PALM2AKAP2: variants seen among roughly 807,000 people sequenced by gnomAD.
PALM2AKAP2 encodes the protein PALM2-AKAP2 fusion protein.
PALM2AKAP2 carries 37 observed loss-of-function variants against 71.5 expected under a neutral mutation model. The ratio of observed to expected loss-of-function variants is 0.52; its 90% CI spans 0.40 to 0.68. The LOEUF is 0.68. Ranked by LOEUF, PALM2AKAP2 falls within the 30% of genes least tolerant of loss-of-function variation. The pLI is 0.00. For missense variants in PALM2AKAP2, 1,224 were observed against 1,191.8 expected (o/e 1.03, Z -0.40); for synonymous variants, 468 against 478.8 (o/e 0.98, Z 0.29).
At chr9:109,749,862 A>C (rs1828859340) in intron 1 of PALM2AKAP2, among the ~76,000 whole-genome samples, 1 of 152,150 alleles carries the variant, frequency 6.6e-6, no homozygotes, top group East Asian at 1.9e-4. Context: ...TCATCACTGG[A>C]TGTTTAGAAG....
At chr9:110,081,797 G>A (rs1050512977) in intron 1 of PALM2AKAP2, among the ~76,000 whole-genome samples, 1 of 151,912 alleles carries the variant, frequency 6.6e-6, no homozygotes, top group Non-Finnish European at 1.5e-5. Context: ...AGAATTCTGT[G>A]CAACTCCTCT....
At chr9:110,079,282 G>C (rs1834390744) in intron 1 of PALM2AKAP2, among the ~76,000 whole-genome samples, 1 of 152,102 alleles carries the variant, frequency 6.6e-6, no homozygotes. Context: ...GATCACCTGA[G>C]GTCAGGGGAT....
rs570122240 is a variant in PALM2AKAP2 at position 110,099,498 on chromosome 9, T to C, written c.157-36629T>C. On this transcript the variant is annotated intron_variant, in intron 1 of 3. Coordinates refer to ENST00000374525, the Ensembl canonical transcript of PALM2AKAP2. ...TCTTTTGGAAGGATACATAAGAAGGTACAAGCTGCCAGCCCATCCATTTCC... is the reference window on the plus strand; with the variant it reads ...TCTTTTGGAAGGATACATAAGAAGGCACAAGCTGCCAGCCCATCCATTTCC... 2.0e-5 allele frequency among the ~76,000 whole-genome samples: 3 copies of C among 152,308 alleles called. No individual in the cohort carries two copies. The East Asian group carries it at 5.8e-4, about 29-fold the overall frequency.
At chr9:110,056,937 T>G (rs1045885845) in intron 1 of PALM2AKAP2, among the ~76,000 whole-genome samples, 1 of 152,168 alleles carries the variant, frequency 6.6e-6, no homozygotes, top group Non-Finnish European at 1.5e-5. Flanking sequence ...GTAGAGGGTG[T>G]TGAGATAGAG....
At position 109,943,505 on chromosome 9, in the gene PALM2AKAP2, A is replaced by G. The variant is rs959285893; in HGVS notation, c.496+11477A>G. 19 of 1,490,902 alleles carry G rather than the reference A, an allele frequency of 1.3e-5. No homozygotes were observed. The Admixed American group carries it at 2.2e-4, about 18-fold the overall frequency. 92.4% of individuals were successfully genotyped at this position (1,490,902 alleles called of 1,614,324 possible). A position where few individuals can be genotyped will look rare whatever the true frequency, so the allele number is the denominator to read the frequency against. On this transcript the variant is annotated intron_variant, in intron 6 of 9. Transcript: ENST00000302798. Reference sequence around the variant, plus strand: ...AGACCTCACTGTACCACTAACTGCAATACTGTGAACTGGAAGCAAACACCT... The same window carrying G: ...AGACCTCACTGTACCACTAACTGCAGTACTGTGAACTGGAAGCAAACACCT...
chr9:110,054,575 T>A (rs1655489064), intron 1 of PALM2AKAP2, among the ~76,000 whole-genome samples: 1 of 152,174 alleles, frequency 6.6e-6, no homozygotes, highest in Non-Finnish European at 1.5e-5. Flanking sequence ...ATTAATTATT[T>A]TTATTATTAT....
At chr9:109,649,997 G>A (rs796825038) in intron 1 of PALM2AKAP2, among the ~76,000 whole-genome samples, 4 of 152,282 alleles carry the variant, frequency 2.6e-5, no homozygotes, top group African/African-American at 9.6e-5. Context: ...AGGGCAAATC[G>A]ACTACAAAGG....
At chr9:109,761,862 G>T (rs1829059199) in intron 1 of PALM2AKAP2, among the ~76,000 whole-genome samples, 3 of 152,186 alleles carry the variant, frequency 2.0e-5, no homozygotes, top group Admixed American at 2.0e-4. Context: ...ATAGGAGAAT[G>T]ATTTATAATC....
chr9:109,832,842 A>G (rs1828341949), intron 1 of PALM2AKAP2, among the ~76,000 whole-genome samples: 2 of 152,186 alleles, frequency 1.3e-5, no homozygotes, highest in Admixed American at 1.3e-4. Flanking sequence ...CCCCACCCTC[A>G]GAGAGGCCAG....
chr9:110,158,338 C>T (rs1275301225), intron 3 of PALM2AKAP2, among the ~76,000 whole-genome samples: 1 of 152,174 alleles, frequency 6.6e-6, no homozygotes, highest in African/African-American at 2.4e-5. Context: ...AAGTGGGTGC[C>T]CCACACTCTG....
chr9:109,766,672 ACTCT>A (rs1207114446), intron 1 of PALM2AKAP2, among the ~76,000 whole-genome samples: 1 of 152,154 alleles, frequency 6.6e-6, no homozygotes, highest in Non-Finnish European at 1.5e-5. Context: ...GATTACAAAG[ACTCT>A]GATGTAGTAA....
At chr9:109,641,257 G>A (rs1428620450) in intron 1 of PALM2AKAP2, among the ~76,000 whole-genome samples, 1 of 152,244 alleles carries the variant, frequency 6.6e-6, no homozygotes, top group Non-Finnish European at 1.5e-5. Context: ...TAAAAAAAGA[G>A]GGAGGGGGTC....
intron 1 of PALM2AKAP2, among the ~76,000 whole-genome samples, chr9:109,761,275 TG>T (rs1829047803): frequency 6.6e-6 from 1 of 152,208 alleles, no homozygotes; most frequent in Non-Finnish European, 1.5e-5. Context: ...CCAACCTGAA[TG>T]TTTGAAGGCA....
chr9:110,030,401 C>A (rs955785256), intron 7 of PALM2AKAP2, among the ~76,000 whole-genome samples: 2 of 152,172 alleles, frequency 1.3e-5, no homozygotes, highest in Non-Finnish European at 2.9e-5. Flanking sequence ...TAATTGTTTT[C>A]TTCTCTGGAG....
intron 6 of PALM2AKAP2, among the ~76,000 whole-genome samples, chr9:109,983,553 A>G (rs1196929153): frequency 1.3e-5 from 2 of 152,196 alleles, no homozygotes; most frequent in African/African-American, 4.8e-5. Context: ...GGAAACTAAT[A>G]TAGTAAAATG....
intron 1 of PALM2AKAP2, among the ~76,000 whole-genome samples, chr9:109,669,417 T>C (rs1002022909): frequency 6.6e-5 from 10 of 152,294 alleles, no homozygotes; most frequent in African/African-American, 2.4e-4. Context: ...TTTCTTATAA[T>C]GCCTCTATCA....
At chr9:109,844,387 G>T (rs1488059832) in intron 1 of PALM2AKAP2, among the ~76,000 whole-genome samples, 1 of 152,214 alleles carries the variant, frequency 6.6e-6, no homozygotes, top group Non-Finnish European at 1.5e-5. Flanking sequence ...TGCAATGCAG[G>T]ACTCTGGATG....
chr9:109,737,064 A>G (rs571576995), intron 1 of PALM2AKAP2, among the ~76,000 whole-genome samples: 60 of 152,256 alleles, frequency 3.9e-4, no homozygotes, highest in Non-Finnish European at 7.6e-4. Context: ...TTTTATCGCT[A>G]GGGAGGCATC....
intron 1 of PALM2AKAP2, among the ~76,000 whole-genome samples, chr9:109,655,121 A>G (rs1827281182): frequency 6.6e-6 from 1 of 152,008 alleles, no homozygotes; most frequent in Non-Finnish European, 1.5e-5. Context: ...GGGTTTCACC[A>G]TGTCTCTACT....
Sources: allele counts gnomAD v4.1 joint callset (sites outside exome capture counted in the v4.1 genomes callset), GRCh38; gene constraint gnomAD v4.1.1; transcripts MANE v1.5; gene names NCBI Gene and HGNC (gene_info 2026-07-23, HGNC 2026-07-21).